The following HSPA4L variants were observed in gnomAD, a reference collection of about 807,000 sequenced individuals.
The protein encoded by HSPA4L is heat shock protein family A (Hsp70) member 4 like.
HSPA4L carries 48 observed loss-of-function variants against 100.3 expected under a neutral mutation model. The ratio of observed to expected loss-of-function variants is 0.48; its 90% CI spans 0.38 to 0.61. HSPA4L has a LOEUF of 0.61. HSPA4L is among the 20% of genes least tolerant of loss of function. HSPA4L has a pLI of 0.00. For synonymous variants in HSPA4L, 319 were observed against 328.2 expected (o/e 0.97, Z 0.30); for missense variants, 886 against 988.6 (o/e 0.90, Z 1.39).
At chr4:127,807,950 G>A in intron 10 of HSPA4L, 46 bp from the exon 11 acceptor site, 1 of 1,568,324 alleles carries the variant, frequency 6.4e-7, no homozygotes, top group Non-Finnish European at 8.6e-7. Context: ...AGGTTCATAG[G>A]CAACTTTCTA....
chr4:127,793,510 CTG>C (rs1453656484), intron 1 of HSPA4L, among the ~76,000 whole-genome samples: 3 of 152,250 alleles, frequency 2.0e-5, no homozygotes, highest in African/African-American at 7.2e-5. Context: ...TGTGCTTGCT[CTG>C]TGTTATTATT....
intron 16 of HSPA4L, among the ~76,000 whole-genome samples, chr4:127,824,019 CCT>C (rs1553934736): frequency 2.6e-5 from 4 of 152,264 alleles, no homozygotes; most frequent in African/African-American, 9.6e-5. Flanking sequence ...CATACCATCC[CCT>C]GATAACCACC....
In HSPA4L at chr4:127,840,691, T is replaced by C. The variant is rs571049410; in HGVS notation, c.*7817T>C. The C allele has an allele frequency of 1.5e-4, 23 of 152,304 alleles. No individual in the cohort carries two copies. The highest frequency in any genetic ancestry group is 2.5e-4 in the Non-Finnish European group (17 of 68,016). 9.4% of individuals were successfully genotyped at this position (152,304 alleles called of 1,614,324 possible). A position where few individuals can be genotyped will look rare whatever the true frequency, so the allele number is the denominator to read the frequency against. ...TGGCAGTACACATTGTTAACAATCGTGTAATTATAATAAATATGTCTACCT... is the reference window on the plus strand; with the variant it reads ...TGGCAGTACACATTGTTAACAATCGCGTAATTATAATAAATATGTCTACCT... On this transcript the variant is annotated 3_prime_UTR_variant, in exon 19 of 19. Coordinates refer to ENST00000296464, the MANE Select transcript of HSPA4L (RefSeq NM_014278.4).
chr4:127,822,941 T>TAC, intron 15 of HSPA4L, 47 bp downstream of exon 15: 1 of 1,549,820 alleles, frequency 6.5e-7, no homozygotes, highest in East Asian at 2.3e-5. Flanking sequence ...TTTAAAGGTT[T>TAC]ACTCGAGAAT....
chr4:127,803,360 A>AGTT (rs77601586), intron 6 of HSPA4L, among the ~76,000 whole-genome samples: 107,872 of 151,482 alleles, frequency 0.71, 38,854 homozygotes, highest in Middle Eastern at 0.83. Flanking sequence ...ATGAGGCTTT[A>AGTT]GTTGTAATTC....
chr4:127,783,662 T>G, intron 1 of HSPA4L: 1 of 1,535,658 alleles, frequency 6.5e-7, no homozygotes, highest in Non-Finnish European at 8.7e-7. Context: ...ATGAAACCTA[T>G]ATTACTTTTT....
intron 1 of HSPA4L, among the ~76,000 whole-genome samples, chr4:127,788,910 A>G (rs1376193187): frequency 6.6e-6 from 1 of 152,226 alleles, no homozygotes; most frequent in African/African-American, 2.4e-5. Context: ...ATTTAAACCT[A>G]TGGATTACAA....
At chr4:127,781,928 G>A, upstream of HSPA4L, 1 of 394,140 alleles carries the variant, frequency 2.5e-6, no homozygotes, top group Non-Finnish European at 5.2e-6. Context: ...TGACAAGCAC[G>A]CCTCCGGTTG....
At chr4:127,783,301 G>A (rs757656258) in intron 1 of HSPA4L, among the ~76,000 whole-genome samples, 18 of 152,000 alleles carry the variant, frequency 1.2e-4, no homozygotes, top group Non-Finnish European at 2.4e-4. Context: ...CATTGATAGG[G>A]AGAGCCTCGG....
chr4:127,813,184 C>G lies in HSPA4L; in HGVS notation c.1578+1548C>G. ...CATATATCGGGTGCCTCTCCTCTTT[C>G]CCTTTGTGTTCGTCATTTTGGCGAA... On this transcript the variant is annotated intron_variant, in intron 12 of 18. Transcript: ENST00000296464. 2.8e-6 allele frequency: 4 copies of G among 1,417,984 alleles called. No individual in the cohort carries two copies. In the East Asian group the frequency reaches 6.8e-5, roughly 24 times the overall value. 87.8% of individuals were successfully genotyped at this position (1,417,984 alleles called of 1,614,324 possible). A position where few individuals can be genotyped will look rare whatever the true frequency, so the allele number is the denominator to read the frequency against.
intron 11 of HSPA4L, chr4:127,809,290 G>C: frequency 7.9e-7 from 1 of 1,266,468 alleles, no homozygotes; most frequent in Non-Finnish European, 1.2e-6. Flanking sequence ...CCTGGAGCTA[G>C]CATTGCACTC....
chr4:127,782,328 G>T lies in HSPA4L; in HGVS notation c.-223G>T, dbSNP rs550413899. 2 of 537,544 alleles carry T rather than the reference G, an allele frequency of 3.7e-6. No homozygotes were observed. The highest frequency in any genetic ancestry group is 2.1e-5 in the South Asian group (1 of 47,290). The allele number at this position is 537,544 out of a possible 1,614,324, so 33.3% of individuals were successfully genotyped here. On this transcript the variant is annotated 5_prime_UTR_variant, in exon 1 of 19. Coordinates refer to ENST00000296464, the MANE Select transcript of HSPA4L (RefSeq NM_014278.4). Reference sequence around the variant, plus strand: ...TTGGAGGCGGCCGAACCGCAGTAGGGAAAGACCCAGGCTGCGGGACGCGGT... The same window carrying T: ...TTGGAGGCGGCCGAACCGCAGTAGGTAAAGACCCAGGCTGCGGGACGCGGT...
At chr4:127,787,713 T>G (rs540582188) in intron 1 of HSPA4L, among the ~76,000 whole-genome samples, 11 of 152,308 alleles carry the variant, frequency 7.2e-5, no homozygotes, top group Admixed American at 5.2e-4. Flanking sequence ...TTTGGACATT[T>G]CAAGTTAATA....
intron 3 of HSPA4L, 97 bp downstream of exon 3, chr4:127,796,005 A>G (rs1312270662): frequency 2.8e-6 from 3 of 1,073,042 alleles, no homozygotes; most frequent in Non-Finnish European, 4.1e-6. Flanking sequence ...TTTCCTCTAG[A>G]TACAGTACAT....
In HSPA4L at chr4:127,811,505, C is replaced by A; in HGVS notation, c.1447C>A (p.Arg483Ser). 6.2e-7 allele frequency: 1 copy of A among 1,613,754 alleles called. No individual in the cohort carries two copies. The highest frequency in any genetic ancestry group is 1.1e-5 in the South Asian group (1 of 91,052). The change falls in exon 12 of 19, where the codon CGT becomes AGT. Residue 483 changes from arginine (R) to serine (S), a missense_variant. Transcript: ENST00000296464. ...GDSSKVKVKV[R>S]VNIHGIFSVA... ...TAGTTCCAAAGTGAAGGTTAAAGTT[C>A]GTGTTAACATCCATGGAATCTTCAG...
Position 127,818,390 on chromosome 4 carries a change from G to A in HSPA4L, c.1644G>A (p.Glu548=). 1 of 1,608,486 alleles carries A rather than the reference G, an allele frequency of 6.2e-7. No individual in the cohort carries two copies. The highest frequency in any genetic ancestry group is 1.1e-5 in the South Asian group (1 of 89,868). Residue 548 remains glutamate, a synonymous_variant, in exon 13 of 19, where the codon GAG becomes GAA. Transcript: ENST00000296464. ...QKCHAEHTPE[E]EIDHTGAKTK... ...GTCATGCTGAACACACTCCAGAAGA[G>A]GAAATTGATCATACAGGAGCCAAAA... is the stretch of plus-strand genomic sequence containing the variant.
intron 17 of HSPA4L, among the ~76,000 whole-genome samples, chr4:127,828,877 T>C (rs893375149): frequency 9.2e-5 from 14 of 152,134 alleles, no homozygotes; most frequent in Non-Finnish European, 1.8e-4. Flanking sequence ...TAAGATATTA[T>C]CCCACACAAG....
chr4:127,807,799 T>A (rs574059994), intron 10 of HSPA4L, among the ~76,000 whole-genome samples, 197 bp from the exon 11 acceptor site: 1 of 152,172 alleles, frequency 6.6e-6, no homozygotes, highest in Non-Finnish European at 1.5e-5. Flanking sequence ...GTTATTATGA[T>A]AGACATTATG....
chr4:127,785,459 CGTA>C (rs1193014279), intron 1 of HSPA4L, among the ~76,000 whole-genome samples: 1 of 149,292 alleles, frequency 6.7e-6, no homozygotes, highest in Non-Finnish European at 1.5e-5. Flanking sequence ...TTTTTTAAGA[CGTA>C]GTCTTGCTCT....
Sources: gnomAD v4.1 joint callset for allele counts (sites outside exome capture counted in the v4.1 genomes callset) on GRCh38, gnomAD v4.1.1 for gene constraint, MANE v1.5 for transcripts, NCBI Gene and HGNC (gene_info 2026-07-23, HGNC 2026-07-21) for gene names.